The following RP1 variants were observed in gnomAD, a reference collection of about 807,000 sequenced individuals.
The protein encoded by RP1 is oxygen-regulated protein 1.
Under a neutral mutation model 14.8 loss-of-function variants are expected in RP1, and 16 were observed. The ratio of observed to expected loss-of-function variants is 1.08; its 90% CI spans 0.73 to 1.65. The LOEUF (loss-of-function observed/expected upper bound fraction) is 1.65, where lower values mean the gene tolerates loss of function less well. RP1 is among the 40% of genes most tolerant of loss of function. The probability of loss-of-function intolerance (pLI) is 0.00; values close to 1 mark genes in which losing one functional copy is unlikely to be tolerated. For missense variants in RP1, 2,631 were observed against 2,535.0 expected, an observed-to-expected ratio of 1.04 and a Z score of -0.81; for synonymous variants, 876 against 883.6, an observed-to-expected ratio of 0.99 and a Z score of 0.15.
At chr8:54,843,181 G>A (rs963772164) in intron 25 of RP1, among the ~76,000 whole-genome samples, 28 of 152,110 alleles carry the variant, frequency 1.8e-4, no homozygotes, top group East Asian at 7.7e-4. Context: ...GACTACAGGC[G>A]TGCACCACCA....
Position 54,626,099 on chromosome 8 carries a change from A to T in RP1, c.2217A>T (p.Glu739Asp), listed in dbSNP as rs1392499693. The T allele has an allele frequency of 6.2e-7, 1 of 1,613,388 alleles. No individual in the cohort carries two copies. The highest frequency in any genetic ancestry group is 1.3e-5 in the African/African-American group (1 of 74,902). ...EDLQKSDTVI[E>D]SNTFCSKSNL... is the part of the protein sequence containing the mutation. ...TCCAGAAAAGTGATACTGTAATTGA[A>T]TCAAATACTTTTTGTTCCAAAAGTA... is the stretch of plus-strand genomic sequence containing the variant. The change falls in exon 4 of 4, where the codon GAA (glutamate) becomes GAT (aspartate). Residue 739 changes from glutamate (E) to aspartate (D), a missense_variant. Glu to Asp is a conservative substitution (Grantham distance 45). Coordinates refer to ENST00000220676, the MANE Select transcript of RP1 (RefSeq NM_006269.2).
At chr8:54,699,432 A>G (rs1463780094) in intron 12 of RP1, 5 of 1,159,414 alleles carry the variant, frequency 4.3e-6, no homozygotes, top group Non-Finnish European at 5.6e-6. Context: ...TTAAAAGCCA[A>G]ACTTGCTTTC....
intron 19 of RP1, chr8:54,754,679 C>G: frequency 1.1e-6 from 1 of 950,644 alleles, no homozygotes; most frequent in Non-Finnish European, 1.4e-6. Context: ...TAACAACCAT[C>G]ACCGCTATCA....
chr8:54,684,320 C>T (rs1457278054), intron 12 of RP1, among the ~76,000 whole-genome samples: 1 of 152,034 alleles, frequency 6.6e-6, no homozygotes, highest in African/African-American at 2.4e-5. Flanking sequence ...ATGATGCTGG[C>T]CTCATAAAAT....
At chr8:54,588,547 A>G (rs1322980826) in intron 1 of RP1, among the ~76,000 whole-genome samples, 2 of 152,180 alleles carry the variant, frequency 1.3e-5, no homozygotes, top group African/African-American at 4.8e-5. Context: ...TGGCAAAGGG[A>G]AAGGCTGTGG....
intron 1 of RP1, among the ~76,000 whole-genome samples, chr8:54,589,684 T>G (rs991062334): frequency 6.6e-6 from 1 of 152,222 alleles, no homozygotes; most frequent in Non-Finnish European, 1.5e-5. Flanking sequence ...AGGACATTGC[T>G]AATTGGAGCT....
intron 13 of RP1, among the ~76,000 whole-genome samples, chr8:54,700,768 A>C (rs1224031318): frequency 6.6e-6 from 1 of 152,166 alleles, no homozygotes; most frequent in African/African-American, 2.4e-5. Flanking sequence ...AGAAGATTTC[A>C]TCTGGTATGG....
At chr8:54,846,071 T>C (rs1353371457) in intron 25 of RP1, among the ~76,000 whole-genome samples, 1 of 152,192 alleles carries the variant, frequency 6.6e-6, no homozygotes, top group African/African-American at 2.4e-5. Context: ...AGTTTTCACT[T>C]TACCTTGTGT....
At chr8:54,598,944 A>T (rs1372977727) in intron 1 of RP1, among the ~76,000 whole-genome samples, 1 of 152,120 alleles carries the variant, frequency 6.6e-6, no homozygotes, top group East Asian at 1.9e-4. Context: ...GGTGTGTCTT[A>T]GTGTAAATTT....
intron 14 of RP1, among the ~76,000 whole-genome samples, chr8:54,703,182 T>A (rs1440611093): frequency 6.6e-6 from 1 of 152,214 alleles, no homozygotes; most frequent in Non-Finnish European, 1.5e-5. Context: ...GTATTCAGTG[T>A]ACTTTGCCCA....
At chr8:54,703,429 G>A (rs1478961090) in intron 14 of RP1, among the ~76,000 whole-genome samples, 1 of 152,136 alleles carries the variant, frequency 6.6e-6, no homozygotes, top group African/African-American at 2.4e-5. Flanking sequence ...CTGAGCAGTA[G>A]GTCTCAACAG....
At chr8:54,860,632 G>T (rs76226415) in intron 27 of RP1, among the ~76,000 whole-genome samples, 1 of 152,160 alleles carries the variant, frequency 6.6e-6, no homozygotes, top group Non-Finnish European at 1.5e-5. Flanking sequence ...CAGGGGTCCC[G>T]ATTCCAGAGG....
rs990281029 is a variant in RP1, at chr8:54,824,014, C to A, written c.3616-13436C>A. 4.6e-5 allele frequency among the ~76,000 whole-genome samples: 7 copies of A among 152,182 alleles called. No individual in the cohort carries two copies. In the East Asian group the frequency reaches 1.4e-3, roughly 29 times the overall value. On this transcript the variant is annotated intron_variant, in intron 24 of 28. Transcript: ENST00000637698. Reference sequence around the variant, plus strand: ...TTGTGCAGTGATATCTCATTGTGGTCTTAATTTGCATTTCTCTAATGCAAA... The same window carrying A: ...TTGTGCAGTGATATCTCATTGTGGTATTAATTTGCATTTCTCTAATGCAAA...
intron 28 of RP1, among the ~76,000 whole-genome samples, chr8:54,866,736 G>A (rs182589436): frequency 4.6e-5 from 7 of 152,184 alleles, no homozygotes; most frequent in East Asian, 1.9e-4. Context: ...AGTTTCTGTC[G>A]GCAAGGACCT....
intron 25 of RP1, chr8:54,837,761 A>C (rs956509084): frequency 4.6e-6 from 3 of 658,628 alleles, no homozygotes; most frequent in African/African-American, 3.7e-5. Context: ...TCTGTAAAGG[A>C]CCAGACAGTA....
intron 24 of RP1, among the ~76,000 whole-genome samples, chr8:54,816,392 G>A (rs930524961): frequency 4.6e-5 from 7 of 152,160 alleles, no homozygotes; most frequent in African/African-American, 1.7e-4. Flanking sequence ...CCCCTGCTTT[G>A]ATCAAATAGA....
At chr8:54,859,834 G>A (rs562615391) in intron 27 of RP1, among the ~76,000 whole-genome samples, 2 of 152,296 alleles carry the variant, frequency 1.3e-5, no homozygotes, top group East Asian at 3.9e-4. Context: ...TGGATATTCA[G>A]GATAGCTAGT....
chr8:54,858,770 A>T (rs1242966306), intron 27 of RP1, among the ~76,000 whole-genome samples: 1 of 151,440 alleles, frequency 6.6e-6, no homozygotes, highest in African/African-American at 2.4e-5. Flanking sequence ...CTATAGAGTG[A>T]TGTCACGGTG....
intron 8 of RP1, among the ~76,000 whole-genome samples, chr8:54,677,019 T>C (rs982367455): frequency 1.3e-5 from 2 of 151,852 alleles, no homozygotes; most frequent in African/African-American, 4.8e-5. Context: ...GGCAGTGGTT[T>C]TCAAAGTGTG....
Sources: gnomAD v4.1 joint callset for allele counts (sites outside exome capture counted in the v4.1 genomes callset) on GRCh38, gnomAD v4.1.1 for gene constraint, MANE v1.5 for transcripts, NCBI Gene and HGNC (gene_info 2026-07-23, HGNC 2026-07-21) for gene names.